KCTD8: variants seen among roughly 807,000 people sequenced by gnomAD.
KCTD8 encodes BTB/POZ domain-containing protein KCTD8.
KCTD8 carries 27 observed loss-of-function variants against 31.5 expected under a neutral mutation model. The observed-to-expected ratio is 0.86, with a 90% CI of 0.63 to 1.18. The LOEUF is 1.18. KCTD8 is among the 50% of genes most tolerant of loss of function. The probability of loss-of-function intolerance (pLI) is 0.00; values close to 1 mark genes in which losing one functional copy is unlikely to be tolerated. For synonymous variants in KCTD8, 290 were observed against 280.0 expected (o/e 1.04, Z -0.36); for missense variants, 658 against 647.7 (o/e 1.02, Z -0.17).
intron 1 of KCTD8, among the ~76,000 whole-genome samples, chr4:44,444,726 T>C (rs1721895759): frequency 6.7e-6 from 1 of 148,356 alleles, no homozygotes; most frequent in Non-Finnish European, 1.5e-5. Context: ...TAACAGTATC[T>C]GGGATTACTG....
chr4:44,298,583 CAA>C (rs1560419084), intron 1 of KCTD8, among the ~76,000 whole-genome samples: 2 of 152,098 alleles, frequency 1.3e-5, no homozygotes, highest in Non-Finnish European at 2.9e-5. Flanking sequence ...TCCCCAGAAA[CAA>C]TAAGAAATAG....
chr4:44,268,181 A>G (rs1015373005), intron 1 of KCTD8, among the ~76,000 whole-genome samples: 2 of 152,206 alleles, frequency 1.3e-5, no homozygotes, highest in African/African-American at 4.8e-5. Context: ...AACACATCAA[A>G]AAGCTTATCC....
At chr4:44,263,792 G>A (rs1716251794) in intron 1 of KCTD8, among the ~76,000 whole-genome samples, 1 of 152,148 alleles carries the variant, frequency 6.6e-6, no homozygotes, top group South Asian at 2.1e-4. Context: ...TCATCAACAT[G>A]CTTCCAACAT....
intron 1 of KCTD8, among the ~76,000 whole-genome samples, chr4:44,314,016 C>T (rs559566479): frequency 6.6e-6 from 1 of 152,218 alleles, no homozygotes; most frequent in East Asian, 1.9e-4. Flanking sequence ...GTAAAATATG[C>T]TAAACATTTT....
chr4:44,290,552 A>G (rs2109384892), intron 1 of KCTD8, among the ~76,000 whole-genome samples: 1 of 152,326 alleles, frequency 6.6e-6, no homozygotes, highest in East Asian at 1.9e-4. Flanking sequence ...GATTGAATAC[A>G]TGCTGGGTCA....
At chr4:44,175,640 T>A (rs996737199) in intron 1 of KCTD8, among the ~76,000 whole-genome samples, 1 of 152,208 alleles carries the variant, frequency 6.6e-6, no homozygotes, top group African/African-American at 2.4e-5. Flanking sequence ...AGCTCATTTT[T>A]GTTCTACCCA....
intron 1 of KCTD8, among the ~76,000 whole-genome samples, chr4:44,415,257 C>A (rs959942581): frequency 2.0e-5 from 3 of 151,904 alleles, no homozygotes; most frequent in African/African-American, 7.3e-5. Flanking sequence ...TAACAACCTG[C>A]GATCAGATAT....
intron 1 of KCTD8, among the ~76,000 whole-genome samples, chr4:44,351,527 T>C (rs901685112): frequency 6.6e-6 from 1 of 152,108 alleles, no homozygotes; most frequent in African/African-American, 2.4e-5. Flanking sequence ...AAATTATATA[T>C]TCATGGACCA....
At chr4:44,324,525 TCTC>T (rs1475769531) in intron 1 of KCTD8, among the ~76,000 whole-genome samples, 3 of 152,060 alleles carry the variant, frequency 2.0e-5, no homozygotes, top group African/African-American at 7.3e-5. Context: ...TTTTCCAAGT[TCTC>T]CTGGAACTTT....
intron 1 of KCTD8, among the ~76,000 whole-genome samples, chr4:44,255,792 G>A (rs1458836680): frequency 1.3e-5 from 2 of 151,826 alleles, no homozygotes; most frequent in East Asian, 3.9e-4. Flanking sequence ...GAATATTTTA[G>A]TAAAAACATA....
intron 1 of KCTD8, among the ~76,000 whole-genome samples, chr4:44,401,915 C>T (rs1474064457): frequency 1.3e-5 from 2 of 152,084 alleles, no homozygotes; most frequent in East Asian, 3.8e-4. Flanking sequence ...GAGCAATATA[C>T]CCTCCCAAAA....
intron 1 of KCTD8, among the ~76,000 whole-genome samples, chr4:44,194,774 T>TC (rs1398031846): frequency 3.1e-4 from 3 of 9,818 alleles, no homozygotes; most frequent in South Asian, 7.4e-3. Context: ...CCTCCCACCC[T>TC]CCCCCCTTCC....
intron 1 of KCTD8, among the ~76,000 whole-genome samples, chr4:44,210,185 TTC>T (rs931161595): frequency 4.6e-5 from 7 of 152,222 alleles, no homozygotes; most frequent in Admixed American, 2.6e-4. Context: ...TGAAAGTGTA[TTC>T]TCTTTCTCTG....
intron 1 of KCTD8, among the ~76,000 whole-genome samples, chr4:44,210,148 A>G (rs17641529): frequency 0.24 from 36,261 of 152,092 alleles, 4,510 homozygotes; most frequent in South Asian, 0.33. Flanking sequence ...TAACCATATC[A>G]TACCTTCTCA....
In KCTD8 at chr4:44,421,959, T is replaced by G. The variant is rs531793715; in HGVS notation, c.961+25604A>C. Among the ~76,000 whole-genome samples the G allele has an allele frequency of 3.3e-5, 5 of 152,284 alleles. 1 individual carries two copies. In the South Asian group the frequency reaches 1.0e-3, roughly 32 times the overall value. ...TATTCTGTGCTGAATAATAATCATC[T>G]GATCTGTGCATGGGCATTAATTAAC... On this transcript the variant is annotated intron_variant, in intron 1 of 1. Coordinates refer to ENST00000360029, the MANE Select transcript of KCTD8 (RefSeq NM_198353.3).
chr4:44,367,684 T>C (rs1719677467), intron 1 of KCTD8, among the ~76,000 whole-genome samples: 1 of 151,976 alleles, frequency 6.6e-6, no homozygotes, highest in Admixed American at 6.6e-5. Context: ...TAGAAAAAAA[T>C]GACAGTGTTT....
chr4:44,223,525 CTT>C (rs1714866447), intron 1 of KCTD8, among the ~76,000 whole-genome samples: 1 of 152,156 alleles, frequency 6.6e-6, no homozygotes, highest in Admixed American at 6.5e-5. Context: ...TCAGTAAAAA[CTT>C]ATCGAATTGG....
intron 1 of KCTD8, among the ~76,000 whole-genome samples, chr4:44,340,767 C>G (rs1718877822): frequency 6.6e-6 from 1 of 151,824 alleles, no homozygotes; most frequent in South Asian, 2.1e-4. Flanking sequence ...TATATGATTC[C>G]AAAAGTCCAA....
intron 1 of KCTD8, among the ~76,000 whole-genome samples, chr4:44,384,828 T>A (rs1720164480): frequency 6.6e-6 from 1 of 151,764 alleles, no homozygotes; most frequent in African/African-American, 2.4e-5. Context: ...ATGTTTGAGA[T>A]GATGGATATG....
Sources: allele counts gnomAD v4.1 joint callset (sites outside exome capture counted in the v4.1 genomes callset), GRCh38; gene constraint gnomAD v4.1.1; transcripts MANE v1.5; gene names NCBI Gene and HGNC (gene_info 2026-07-23, HGNC 2026-07-21).